MMP16: variants seen among roughly 807,000 people sequenced by gnomAD.
The protein encoded by MMP16 is matrix metalloproteinase-16.
Under a neutral mutation model 67.8 loss-of-function variants are expected in MMP16, and 12 were observed. The ratio of observed to expected loss-of-function variants is 0.18; its 90% CI spans 0.11 to 0.29. MMP16 has a LOEUF of 0.29. MMP16 is among the 10% of genes least tolerant of loss of function. The pLI is 1.00. For missense variants in MMP16, 475 were observed against 765.7 expected (o/e 0.62, Z 4.48); for synonymous variants, 249 against 255.9 (o/e 0.97, Z 0.26).
chr8:88,254,832 A>T (rs1810277327), intron 1 of MMP16, among the ~76,000 whole-genome samples: 1 of 152,162 alleles, frequency 6.6e-6, no homozygotes, highest in African/African-American at 2.4e-5. Flanking sequence ...AAATTTTAAT[A>T]AACTGTGTAT....
chr8:88,228,392 A>G (rs557761936), intron 1 of MMP16, among the ~76,000 whole-genome samples: 1 of 152,238 alleles, frequency 6.6e-6, no homozygotes, highest in East Asian at 1.9e-4. Flanking sequence ...CTTTTTGAAT[A>G]GAATATTACA....
intron 6 of MMP16, among the ~76,000 whole-genome samples, chr8:88,100,223 T>C (rs1311112654): frequency 6.6e-6 from 1 of 151,830 alleles, no homozygotes. Context: ...TAGCTTTAGG[T>C]CTAACATTTA....
At chr8:88,110,746 T>A (rs1031908978) in intron 6 of MMP16, among the ~76,000 whole-genome samples, 1 of 151,664 alleles carries the variant, frequency 6.6e-6, no homozygotes, top group African/African-American at 2.4e-5. Context: ...CTCACCTCCT[T>A]TATATCATGA....
chr8:88,066,719 A>G (rs915284056), intron 7 of MMP16, among the ~76,000 whole-genome samples: 1 of 151,986 alleles, frequency 6.6e-6, no homozygotes, highest in Non-Finnish European at 1.5e-5. Flanking sequence ...CAGCAAAAAA[A>G]ACCCACCCCA....
intron 1 of MMP16, among the ~76,000 whole-genome samples, chr8:88,235,832 A>G (rs1809931863): frequency 6.6e-6 from 1 of 152,174 alleles, no homozygotes; most frequent in South Asian, 2.1e-4. Context: ...AAATCAAGTT[A>G]CAAGGTGGTT....
chr8:88,173,037 C>T (rs150199211), intron 3 of MMP16, among the ~76,000 whole-genome samples: 159 of 152,164 alleles, frequency 1.0e-3, no homozygotes, highest in African/African-American at 3.6e-3. Flanking sequence ...ATGGTTATAA[C>T]TCTTTAAAGG....
intron 1 of MMP16, among the ~76,000 whole-genome samples, chr8:88,309,073 G>A (rs1031468056): frequency 6.6e-6 from 1 of 151,994 alleles, no homozygotes; most frequent in South Asian, 2.1e-4. Context: ...ATTGTTGAGT[G>A]ACAATTTGGC....
intron 6 of MMP16, among the ~76,000 whole-genome samples, chr8:88,111,041 CTGTG>C (rs1012345417): frequency 2.6e-5 from 4 of 151,572 alleles, no homozygotes; most frequent in African/African-American, 9.7e-5. Flanking sequence ...GCTACAGTCT[CTGTG>C]TGGAGCATAC....
At chr8:88,151,594 A>C (rs1217315151) in intron 4 of MMP16, among the ~76,000 whole-genome samples, 1 of 139,060 alleles carries the variant, frequency 7.2e-6, no homozygotes, top group Non-Finnish European at 1.6e-5. Context: ...GAAACTGAAC[A>C]ACCTGCTCCT....
intron 1 of MMP16, among the ~76,000 whole-genome samples, chr8:88,204,895 AC>A (rs1409832854): frequency 6.6e-6 from 1 of 152,170 alleles, no homozygotes; most frequent in African/African-American, 2.4e-5. Context: ...ATCATGCACT[AC>A]TGAAGCTGCC....
At chr8:88,120,419 T>C (rs1250019073) in intron 4 of MMP16, among the ~76,000 whole-genome samples, 1 of 151,934 alleles carries the variant, frequency 6.6e-6, no homozygotes, top group Non-Finnish European at 1.5e-5. Context: ...ACACCTTAGT[T>C]AAAATACAAA....
At chr8:88,098,961 G>T (rs1414765586) in intron 6 of MMP16, among the ~76,000 whole-genome samples, 1 of 151,502 alleles carries the variant, frequency 6.6e-6, no homozygotes, top group African/African-American at 2.4e-5. Context: ...TGCCTAAACT[G>T]CCATAATTAT....
intron 1 of MMP16, among the ~76,000 whole-genome samples, chr8:88,203,106 T>TTA (rs1809370308): frequency 7.4e-6 from 1 of 135,496 alleles, no homozygotes; most frequent in Non-Finnish European, 1.5e-5. Context: ...CAGAACTTCT[T>TTA]TTTTTTTTTT....
At chr8:88,195,278 G>C (rs1326583383) in intron 2 of MMP16, among the ~76,000 whole-genome samples, 1 of 152,032 alleles carries the variant, frequency 6.6e-6, no homozygotes. Context: ...CCTTTTCTAG[G>C]ACTCCACTTT....
At chr8:88,056,835 G>A (rs1044577456) in intron 7 of MMP16, among the ~76,000 whole-genome samples, 1 of 152,082 alleles carries the variant, frequency 6.6e-6, no homozygotes, top group African/African-American at 2.4e-5. Context: ...CTCTATTCAT[G>A]TCTTTAAGAG....
In MMP16 at chr8:88,032,568, A is replaced by C. The variant is rs1373975944; in HGVS notation, c.*8893T>G. The C allele has an allele frequency of 6.6e-6, 1 of 152,168 alleles. No individual in the cohort carries two copies. The highest frequency in any genetic ancestry group is 2.4e-5 in the African/African-American group (1 of 41,460). The allele number at this position is 152,168 out of a possible 1,614,324, so 9.4% of individuals were successfully genotyped here. A position where few individuals can be genotyped will look rare whatever the true frequency, so the allele number is the denominator to read the frequency against. The stretch of plus-strand genomic sequence containing the variant: ...ACACTGTTCAATGCACTGATCAATA[A>C]AATCAATGAAAAAATTAATTTAAGC... On this transcript the variant is annotated 3_prime_UTR_variant, in exon 10 of 10. Coordinates refer to ENST00000286614, the MANE Select transcript of MMP16 (RefSeq NM_005941.5).
At chr8:88,139,876 C>A (rs996961204) in intron 4 of MMP16, among the ~76,000 whole-genome samples, 2 of 152,002 alleles carry the variant, frequency 1.3e-5, no homozygotes, top group Non-Finnish European at 2.9e-5. Flanking sequence ...ATTTAAGTTC[C>A]TATTTTCTTA....
intron 1 of MMP16, among the ~76,000 whole-genome samples, chr8:88,250,986 T>C (rs1586226768): frequency 6.9e-6 from 1 of 144,190 alleles, no homozygotes; most frequent in East Asian, 2.2e-4. Flanking sequence ...GTCCATGTGA[T>C]CTCATTGTTC....
chr8:88,316,174 T>C (rs1173917954), intron 1 of MMP16, among the ~76,000 whole-genome samples: 2 of 152,142 alleles, frequency 1.3e-5, no homozygotes, highest in Non-Finnish European at 2.9e-5. Flanking sequence ...AAGTGCAAGA[T>C]GAAGTAGCAG....
Sources: allele counts gnomAD v4.1 joint callset (sites outside exome capture counted in the v4.1 genomes callset), GRCh38; gene constraint gnomAD v4.1.1; transcripts MANE v1.5; gene names NCBI Gene and HGNC (gene_info 2026-07-23, HGNC 2026-07-21).